Variants in TGFBR2 observed in about 807,000 individuals in gnomAD.
The protein encoded by TGFBR2 is TGF-beta receptor type-2.
Under a neutral mutation model 49.0 loss-of-function variants are expected in TGFBR2, and 18 were observed. The ratio of observed to expected loss-of-function variants is 0.37; its 90% CI spans 0.25 to 0.54. The LOEUF (loss-of-function observed/expected upper bound fraction) is 0.54. TGFBR2 is among the 20% of genes least tolerant of loss of function. The probability of loss-of-function intolerance (pLI) is 0.85; values close to 1 mark genes in which losing one functional copy is unlikely to be tolerated. For synonymous variants in TGFBR2, 282 were observed against 275.9 expected, an observed-to-expected ratio of 1.02 and a Z score of -0.22; for missense variants, 525 against 722.6, an observed-to-expected ratio of 0.73 and a Z score of 3.13.
At chr3:30,665,444 T>C (rs1206783686) in intron 3 of TGFBR2, among the ~76,000 whole-genome samples, 1 of 152,208 alleles carries the variant, frequency 6.6e-6, no homozygotes, top group Non-Finnish European at 1.5e-5. Flanking sequence ...AAGTAGATCA[T>C]GTTTACAAAA....
chr3:30,636,504 G>C (rs1165768516), intron 1 of TGFBR2, among the ~76,000 whole-genome samples: 1 of 152,152 alleles, frequency 6.6e-6, no homozygotes, highest in Non-Finnish European at 1.5e-5. Context: ...CATCTGCCAT[G>C]ACAGAATCTG....
At chr3:30,657,846 G>T (rs1203590519) in intron 3 of TGFBR2, among the ~76,000 whole-genome samples, 2 of 152,212 alleles carry the variant, frequency 1.3e-5, no homozygotes, top group Non-Finnish European at 2.9e-5. Context: ...AAAGAATGTG[G>T]AGGATGCTGT....
intron 1 of TGFBR2, among the ~76,000 whole-genome samples, chr3:30,618,291 G>T (rs1025201426): frequency 4.7e-5 from 7 of 149,350 alleles, no homozygotes; most frequent in Admixed American, 6.7e-5. Flanking sequence ...GTACAGTGGC[G>T]CAATCTCGGC....
At chr3:30,665,990 G>A (rs1699235864) in intron 3 of TGFBR2, among the ~76,000 whole-genome samples, 1 of 152,222 alleles carries the variant, frequency 6.6e-6, no homozygotes, top group East Asian at 1.9e-4. Flanking sequence ...CAATTGAAAT[G>A]TCTAAATGGT....
chr3:30,624,591 G>C (rs1388947151), intron 1 of TGFBR2, among the ~76,000 whole-genome samples: 1 of 151,840 alleles, frequency 6.6e-6, no homozygotes, highest in Non-Finnish European at 1.5e-5. Context: ...ACTCCAGCCT[G>C]GCGACAGAGC....
At chr3:30,633,712 T>C (rs1266265030) in intron 1 of TGFBR2, among the ~76,000 whole-genome samples, 1 of 152,162 alleles carries the variant, frequency 6.6e-6, no homozygotes, top group East Asian at 1.9e-4. Context: ...TCCAAGTCTT[T>C]TTTATTTCTT....
chr3:30,666,045 G>A (rs1699236891), intron 3 of TGFBR2, among the ~76,000 whole-genome samples: 1 of 152,086 alleles, frequency 6.6e-6, no homozygotes, highest in Non-Finnish European at 1.5e-5. Flanking sequence ...CAAACTCATA[G>A]GTACAGCTGA....
intron 1 of TGFBR2, among the ~76,000 whole-genome samples, chr3:30,638,590 G>T (rs1187960781): frequency 1.3e-5 from 2 of 152,186 alleles, no homozygotes; most frequent in Non-Finnish European, 2.9e-5. Context: ...TAAAAAGAAG[G>T]TATTGTATTA....
chr3:30,646,651 C>T (rs541201210), intron 2 of TGFBR2, among the ~76,000 whole-genome samples: 1 of 152,088 alleles, frequency 6.6e-6, no homozygotes, highest in Non-Finnish European at 1.5e-5. Flanking sequence ...TTTCTGTAAG[C>T]ACCAAGTGAA....
At position 30,606,606 on chromosome 3, in the gene TGFBR2, C is replaced by A; in HGVS notation, c.-278C>A. On this transcript the variant is annotated 5_prime_UTR_variant, in exon 1 of 7. Coordinates refer to ENST00000295754, the MANE Select transcript of TGFBR2 (RefSeq NM_003242.6). ...GAGTTGAAGTTGAGTGAGTCACTCG[C>A]GCGCACGGAGCGACGACACCCCCGC... 1 of 347,360 alleles carries A rather than the reference C, an allele frequency of 2.9e-6. No homozygotes were observed. Among genetic ancestry groups the A allele is most frequent in the Non-Finnish European group, 5.2e-6 (1 of 191,786 alleles). 21.5% of individuals were successfully genotyped at this position (347,360 alleles called of 1,614,324 possible).
Position 30,692,773 on chromosome 3 carries a change from T to C in TGFBR2, c.*1174T>C, listed in dbSNP as rs1288480049. The C allele has an allele frequency of 4.3e-6, 1 of 233,110 alleles. No homozygotes were observed. Among genetic ancestry groups the C allele is most frequent in the Non-Finnish European group, 8.5e-6 (1 of 117,918 alleles). The allele number at this position is 233,110 out of a possible 1,614,324, so 14.4% of individuals were successfully genotyped here. Reference sequence around the variant, plus strand: ...CACTCTAAACATATGTTTTGTTTGGTCAGCACAGCGTTTCAAAAAGTGAAG... The same window carrying C: ...CACTCTAAACATATGTTTTGTTTGGCCAGCACAGCGTTTCAAAAAGTGAAG... On this transcript the variant is annotated 3_prime_UTR_variant, in exon 7 of 7. Transcript: ENST00000295754.
At chr3:30,684,100 T>G (rs1232813692) in intron 5 of TGFBR2, among the ~76,000 whole-genome samples, 1 of 152,100 alleles carries the variant, frequency 6.6e-6, no homozygotes, top group Non-Finnish European at 1.5e-5. Context: ...ATCCTACAAG[T>G]CCTAATGGAG....
At chr3:30,606,582 A>G (rs138010137), upstream of TGFBR2, 1,377 of 324,702 alleles carry the variant, frequency 4.2e-3, 17 homozygotes, top group African/African-American at 0.026. Context: ...CGCAGCGCTG[A>G]GTTGAAGTTG....
At chr3:30,609,341 A>T (rs1413179216) in intron 1 of TGFBR2, among the ~76,000 whole-genome samples, 1 of 152,210 alleles carries the variant, frequency 6.6e-6, no homozygotes, top group Non-Finnish European at 1.5e-5. Context: ...TAAACTGAAA[A>T]CATTTTTTCA....
chr3:30,606,949 C>A lies in TGFBR2; in HGVS notation c.66C>A (p.Ser22Arg). The change falls in exon 1 of 7, where the codon AGC becomes AGA. Residue 22 changes from serine (S) to arginine (R), a missense_variant. By Grantham distance (110) the Ser-to-Arg change is moderately radical. Transcript: ENST00000295754. ...TCGTCCTGTGGACGCGTATCGCCAG[C>A]ACGATCCCACCGCACGTTCAGAAGT... ...LHIVLWTRIA[S>R]TIPPHVQKSV... is the part of the protein sequence containing the mutation. The A allele has an allele frequency of 6.2e-7, 1 of 1,602,462 alleles. No individual in the cohort carries two copies. Among genetic ancestry groups the A allele is most frequent in the Non-Finnish European group, 8.5e-7 (1 of 1,174,816 alleles).
intron 5 of TGFBR2, among the ~76,000 whole-genome samples, chr3:30,685,352 A>G (rs1699602674): frequency 6.6e-6 from 1 of 152,216 alleles, no homozygotes; most frequent in Non-Finnish European, 1.5e-5. Flanking sequence ...CTACAGTCAG[A>G]TTGTGCAGAT....
chr3:30,655,802 G>A (rs1020869996), intron 3 of TGFBR2, among the ~76,000 whole-genome samples: 4 of 152,186 alleles, frequency 2.6e-5, no homozygotes, highest in Non-Finnish European at 5.9e-5. Context: ...GCACACAGTA[G>A]GTGCATCCTT....
intron 1 of TGFBR2, chr3:30,626,809 C>T (rs377563719): frequency 6.6e-6 from 1 of 152,282 alleles, no homozygotes; most frequent in African/African-American, 2.4e-5. Context: ...GCATGCTCTT[C>T]TTGACCTTAA....
At chr3:30,655,311 T>C (rs1698974814) in intron 3 of TGFBR2, among the ~76,000 whole-genome samples, 1 of 152,298 alleles carries the variant, frequency 6.6e-6, no homozygotes, top group Non-Finnish European at 1.5e-5. Context: ...CTGTGGTGCA[T>C]AAACTGAGCA....
Sources: allele counts gnomAD v4.1 joint callset (sites outside exome capture counted in the v4.1 genomes callset), GRCh38; gene constraint gnomAD v4.1.1; transcripts MANE v1.5; gene names NCBI Gene and HGNC (gene_info 2026-07-23, HGNC 2026-07-21).